Variants in AP1AR observed in about 807,000 individuals in gnomAD.
AP1AR encodes the protein adaptor related protein complex 1 associated regulatory protein.
In AP1AR, 29 loss-of-function variants were observed where a neutral mutation model predicts 46.3. The observed-to-expected ratio is 0.63, with a 90% CI of 0.47 to 0.85. The LOEUF (loss-of-function observed/expected upper bound fraction) is 0.85. AP1AR is among the 40% of genes least tolerant of loss of function. The pLI is 0.00. For missense variants in AP1AR, 357 were observed against 356.3 expected (o/e 1.00, Z -0.02); for synonymous variants, 122 against 122.9 (o/e 0.99, Z 0.05).
At chr4:112,244,758 T>C (rs966170742) in intron 1 of AP1AR, among the ~76,000 whole-genome samples, 2 of 152,200 alleles carry the variant, frequency 1.3e-5, no homozygotes, top group Non-Finnish European at 2.9e-5. Flanking sequence ...TTGTTTCCTA[T>C]GGTACCTCCA....
intron 1 of AP1AR, among the ~76,000 whole-genome samples, chr4:112,233,239 A>C (rs991963021): frequency 1.3e-5 from 2 of 152,208 alleles, no homozygotes; most frequent in African/African-American, 2.4e-5. Context: ...GATCTTATAA[A>C]ATATAGGATT....
intron 5 of AP1AR, among the ~76,000 whole-genome samples, chr4:112,262,785 C>T (rs1295161454): frequency 6.6e-6 from 1 of 151,888 alleles, no homozygotes; most frequent in Non-Finnish European, 1.5e-5. Flanking sequence ...TAAGGAATTC[C>T]GTAATGTGTT....
chr4:112,250,952 T>G (rs1186893491), intron 1 of AP1AR, among the ~76,000 whole-genome samples: 1 of 152,244 alleles, frequency 6.6e-6, no homozygotes, highest in African/African-American at 2.4e-5. Flanking sequence ...CAATTAAAAC[T>G]ATCTTAGGCA....
At chr4:112,234,381 T>C (rs572984622) in intron 1 of AP1AR, among the ~76,000 whole-genome samples, 3 of 152,170 alleles carry the variant, frequency 2.0e-5, no homozygotes, top group Non-Finnish European at 4.4e-5. Flanking sequence ...CAACTTGTGG[T>C]TGGATTTTTA....
chr4:112,232,943 C>T (rs1333893913), intron 1 of AP1AR, among the ~76,000 whole-genome samples: 3 of 152,122 alleles, frequency 2.0e-5, no homozygotes, highest in African/African-American at 7.2e-5. Flanking sequence ...ATAGTAATTT[C>T]ATAATTCCGT....
chr4:112,258,490 C>A (rs1314601007), intron 4 of AP1AR, among the ~76,000 whole-genome samples: 1 of 151,896 alleles, frequency 6.6e-6, no homozygotes, highest in Non-Finnish European at 1.5e-5. Flanking sequence ...GTAGGGAAAG[C>A]AATTAAATAG....
intron 1 of AP1AR, among the ~76,000 whole-genome samples, chr4:112,236,659 C>T (rs929894727): frequency 3.6e-4 from 55 of 152,244 alleles, no homozygotes; most frequent in African/African-American, 1.3e-3. Context: ...CCTCGGCTTC[C>T]CAAAGTGCTA....
chr4:112,255,456 G>A lies in AP1AR; in HGVS notation c.159+683G>A, dbSNP rs368344402. On this transcript the variant is annotated intron_variant, in intron 3 of 9. Transcript: ENST00000274000. ...TGTTGCCGTTGTTTTCTTTTTAAGA[G>A]ACAAGATCTCGCTATGTTGCCCAGG... Among the ~76,000 whole-genome samples, 13 of 152,234 alleles carry A rather than the reference G, an allele frequency of 8.5e-5. No individual in the cohort carries two copies. In the South Asian group the frequency reaches 1.2e-3, roughly 15 times the overall value.
In AP1AR at chr4:112,266,240, T is replaced by C. The variant is rs1726699893; in HGVS notation, c.515-348T>C. Reference sequence around the variant, plus strand: ...GAAGCATAGTATGGTAGTGGTTCCTTTTGAAAATATAGGTTGCTTTTTGTT... The same window carrying C: ...GAAGCATAGTATGGTAGTGGTTCCTCTTGAAAATATAGGTTGCTTTTTGTT... On this transcript the variant is annotated intron_variant, in intron 8 of 9. Coordinates refer to ENST00000274000, the MANE Select transcript of AP1AR (RefSeq NM_018569.6). 2.0e-5 allele frequency among the ~76,000 whole-genome samples: 3 copies of C among 151,952 alleles called. No individual in the cohort carries two copies. In the South Asian group the frequency reaches 6.2e-4, roughly 31 times the overall value.
At chr4:112,246,009 A>G (rs1260542090) in intron 1 of AP1AR, among the ~76,000 whole-genome samples, 3 of 152,142 alleles carry the variant, frequency 2.0e-5, no homozygotes, top group Non-Finnish European at 4.4e-5. Context: ...AGTTGGCACC[A>G]AATTTCTGGT....
intron 1 of AP1AR, among the ~76,000 whole-genome samples, chr4:112,242,610 G>T (rs977072803): frequency 6.6e-6 from 1 of 152,154 alleles, no homozygotes; most frequent in Non-Finnish European, 1.5e-5. Flanking sequence ...AGCAAGGAGG[G>T]AGTGCCAGGC....
At position 112,265,065 on chromosome 4, in the gene AP1AR, A is replaced by T. The variant is rs1169082732; in HGVS notation, c.438A>T (p.Gln146His). 6.2e-7 allele frequency: 1 copy of T among 1,601,880 alleles called. No individual in the cohort carries two copies. Among genetic ancestry groups the T allele is most frequent in the Admixed American group, 1.8e-5 (1 of 56,918 alleles). ...ATCCTTCCAACAATGGAGAATATCA[A>T]AGGTAAATAGTGAAACATATGCCTC... ...QYHPSNNGEYQSSGPEDDFES... is the reference protein window; with the variant it reads ...QYHPSNNGEYHSSGPEDDFES... The change falls in exon 7 of 10, where the codon CAA (glutamine) becomes CAT (histidine). Residue 146 changes from glutamine to histidine, a missense_variant and splice_region_variant. Coordinates refer to ENST00000274000, the MANE Select transcript of AP1AR (RefSeq NM_018569.6).
At chr4:112,239,917 G>A (rs558598605) in intron 1 of AP1AR, among the ~76,000 whole-genome samples, 26 of 152,318 alleles carry the variant, frequency 1.7e-4, no homozygotes, top group African/African-American at 4.1e-4. Context: ...AATATTTGTC[G>A]ACTGAGTGAA....
At chr4:112,242,688 T>C (rs1055993210) in intron 1 of AP1AR, among the ~76,000 whole-genome samples, 1 of 152,180 alleles carries the variant, frequency 6.6e-6, no homozygotes, top group Non-Finnish European at 1.5e-5. Context: ...TACCAAGCCA[T>C]TCATGAGGGA....
chr4:112,256,658 CTATTA>C (rs1180187016), intron 3 of AP1AR, among the ~76,000 whole-genome samples: 1 of 152,088 alleles, frequency 6.6e-6, no homozygotes, highest in African/African-American at 2.4e-5. Flanking sequence ...TTTATTCCTG[CTATTA>C]TATTTTAACT....
Position 112,263,021 on chromosome 4 carries a change from G to C in AP1AR, c.316G>C (p.Glu106Gln). The C allele has an allele frequency of 6.2e-7, 1 of 1,613,844 alleles. No homozygotes were observed. Among genetic ancestry groups the C allele is most frequent in the Non-Finnish European group, 8.5e-7 (1 of 1,179,850 alleles). ...ALQEEKLRLEEEALYAAQREA... is the reference protein window; with the variant it reads ...ALQEEKLRLEQEALYAAQREA... Reference sequence around the variant, plus strand: ...ACAAGAAGAGAAGTTAAGACTAGAAGAAGAAGCTTTATACGCTGCACAGCG... The same window carrying C: ...ACAAGAAGAGAAGTTAAGACTAGAACAAGAAGCTTTATACGCTGCACAGCG... The change falls in exon 6 of 10, where the codon GAA (glutamate) becomes CAA (glutamine). Residue 106 changes from glutamate (E) to glutamine (Q), a missense_variant. Physicochemically the swap from Glu to Gln is conservative, Grantham distance 29. Coordinates refer to ENST00000274000, the MANE Select transcript of AP1AR (RefSeq NM_018569.6).
At chr4:112,233,298 A>G (rs1045072448) in intron 1 of AP1AR, among the ~76,000 whole-genome samples, 1 of 152,222 alleles carries the variant, frequency 6.6e-6, no homozygotes, top group Admixed American at 6.5e-5. Flanking sequence ...CAAAATAGCT[A>G]AGGTTTTACA....
chr4:112,272,267 CTGTG>C lies in AP1AR; in HGVS notation c.*3859_*3862del, dbSNP rs1389117479. Among the ~76,000 whole-genome samples the C allele has an allele frequency of 1.3e-5, 2 of 152,142 alleles. No homozygotes were observed. Among genetic ancestry groups the C allele is most frequent in the Non-Finnish European group, 2.9e-5 (2 of 68,032 alleles). On this transcript the variant is annotated 3_prime_UTR_variant, in exon 10 of 10. Coordinates refer to ENST00000274000, the MANE Select transcript of AP1AR (RefSeq NM_018569.6). Reference sequence around the variant, plus strand: ...ACAGGGCAGGACAGCGCCACAAAGACTGTGAGGGCTGGTGACAGGGAAGGGAAAA... The same window carrying C: ...ACAGGGCAGGACAGCGCCACAAAGACAGGGCTGGTGACAGGGAAGGGAAAA...
chr4:112,232,286 C>A, intron 1 of AP1AR, 112 bp downstream of exon 1: 2 of 897,800 alleles, frequency 2.2e-6, no homozygotes, highest in Non-Finnish European at 2.9e-6. Flanking sequence ...GAGAGCCCTG[C>A]TACACTCACT....
Sources: allele counts gnomAD v4.1 joint callset (sites outside exome capture counted in the v4.1 genomes callset), GRCh38; gene constraint gnomAD v4.1.1; transcripts MANE v1.5; gene names NCBI Gene and HGNC (gene_info 2026-07-23, HGNC 2026-07-21).